The following BTBD7 variants were observed in gnomAD, a reference collection of about 807,000 sequenced individuals.
BTBD7 encodes the protein BTB domain containing 7.
BTBD7 carries 38 observed loss-of-function variants against 99.9 expected under a neutral mutation model. The ratio of observed to expected loss-of-function variants is 0.38; its 90% CI spans 0.29 to 0.50. The LOEUF (loss-of-function observed/expected upper bound fraction) is 0.50, where lower values mean the gene tolerates loss of function less well. Among genes scored for constraint, BTBD7 ranks in the 20% least tolerant of loss-of-function variants. The pLI, the probability that BTBD7 is intolerant of heterozygous loss-of-function variation, is 0.93. For synonymous variants in BTBD7, 520 were observed against 511.4 expected, an observed-to-expected ratio of 1.02 and a Z score of -0.23; for missense variants, 1,170 against 1,394.6, an observed-to-expected ratio of 0.84 and a Z score of 2.57.
intron 1 of BTBD7, among the ~76,000 whole-genome samples, chr14:93,320,860 CAG>C (rs1481220302): frequency 2.6e-5 from 4 of 152,060 alleles, no homozygotes; most frequent in Non-Finnish European, 5.9e-5. Flanking sequence ...TATAAATGAT[CAG>C]AGTCCATCTA....
chr14:93,252,856 C>A (rs755075631), intron 7 of BTBD7, among the ~76,000 whole-genome samples: 5 of 151,340 alleles, frequency 3.3e-5, no homozygotes, highest in Non-Finnish European at 7.4e-5. Context: ...GGTTCTTACT[C>A]TGTCGCCCAG....
intron 10 of BTBD7, chr14:93,244,247 T>A (rs1053904394): frequency 3.3e-6 from 1 of 302,982 alleles, no homozygotes; most frequent in Non-Finnish European, 6.5e-6. Context: ...TCTAAGAGGA[T>A]GCTGGCTATT....
At chr14:93,284,802 G>T (rs2052758829) in intron 3 of BTBD7, among the ~76,000 whole-genome samples, 1 of 151,962 alleles carries the variant, frequency 6.6e-6, no homozygotes, top group African/African-American at 2.4e-5. Context: ...TAAAGGTTAG[G>T]GTAGAATTTG....
At chr14:93,255,938 A>AT (rs200730662) in intron 6 of BTBD7, 38 of 151,738 alleles carry the variant, frequency 2.5e-4, no homozygotes, top group Non-Finnish European at 3.4e-4. Flanking sequence ...GTGAGGGTGA[A>AT]TTTTTTTTTC....
intron 1 of BTBD7, among the ~76,000 whole-genome samples, chr14:93,308,591 T>C (rs1312250349): frequency 6.6e-6 from 1 of 152,140 alleles, no homozygotes; most frequent in East Asian, 1.9e-4. Context: ...AGCCAAAAGG[T>C]AGAAGCAACT....
At chr14:93,300,715 TGTG>T (rs2052987021) in intron 1 of BTBD7, among the ~76,000 whole-genome samples, 1 of 13,712 alleles carries the variant, frequency 7.3e-5, no homozygotes, top group Non-Finnish European at 1.2e-4. Context: ...TGTGTGTGTG[TGTG>T]TGTGTGTGTG....
At chr14:93,331,884 C>T (rs78706197) in intron 1 of BTBD7, among the ~76,000 whole-genome samples, 2 of 146,882 alleles carry the variant, frequency 1.4e-5, no homozygotes, top group South Asian at 2.2e-4. Flanking sequence ...CCGTCTCCCC[C>T]CCCCCAAAAA....
At chr14:93,290,442 G>A (rs1267064299) in intron 3 of BTBD7, among the ~76,000 whole-genome samples, 1 of 148,360 alleles carries the variant, frequency 6.7e-6, no homozygotes, top group Non-Finnish European at 1.5e-5. Context: ...TCGATCTCCT[G>A]ACCTCGTGAT....
intron 3 of BTBD7, among the ~76,000 whole-genome samples, chr14:93,286,856 T>C (rs146651975): frequency 1.8e-4 from 28 of 152,332 alleles, no homozygotes; most frequent in Admixed American, 7.2e-4. Context: ...TTCAAAGATA[T>C]GATAAAGTCT....
intron 1 of BTBD7, among the ~76,000 whole-genome samples, chr14:93,313,725 T>C (rs1388671341): frequency 6.9e-6 from 1 of 144,284 alleles, no homozygotes; most frequent in Non-Finnish European, 1.5e-5. Context: ...CAATCACACA[T>C]ATATACACAC....
At chr14:93,299,899 G>C (rs932614713) in intron 1 of BTBD7, among the ~76,000 whole-genome samples, 1 of 152,190 alleles carries the variant, frequency 6.6e-6, no homozygotes, top group Non-Finnish European at 1.5e-5. Context: ...TTAAAGTGCT[G>C]AGGTTCATTG....
At chr14:93,283,934 A>G (rs999525768) in intron 3 of BTBD7, among the ~76,000 whole-genome samples, 3 of 152,202 alleles carry the variant, frequency 2.0e-5, no homozygotes, top group African/African-American at 7.2e-5. Flanking sequence ...CAACTCCTTA[A>G]AATTTTCTTT....
chr14:93,327,133 C>T (rs1444349012), intron 1 of BTBD7, among the ~76,000 whole-genome samples: 1 of 152,074 alleles, frequency 6.6e-6, no homozygotes, highest in Non-Finnish European at 1.5e-5. Flanking sequence ...TGCGCTCAGC[C>T]CGCTGTCAAA....
intron 3 of BTBD7, among the ~76,000 whole-genome samples, chr14:93,270,072 A>G (rs1040015372): frequency 6.6e-6 from 1 of 152,214 alleles, no homozygotes; most frequent in Non-Finnish European, 1.5e-5. Context: ...TAAACCAGTT[A>G]GCTTTTTAGA....
chr14:93,308,333 T>C (rs1402540424), intron 1 of BTBD7, among the ~76,000 whole-genome samples: 3 of 150,864 alleles, frequency 2.0e-5, no homozygotes, highest in African/African-American at 4.9e-5. Flanking sequence ...GATTAGTACT[T>C]GGAGACAAAA....
chr14:93,325,564 A>C (rs2053321485), intron 1 of BTBD7, among the ~76,000 whole-genome samples: 1 of 152,212 alleles, frequency 6.6e-6, no homozygotes, highest in Admixed American at 6.5e-5. Flanking sequence ...GAGTGGCAAT[A>C]GAGAGGGGAA....
intron 1 of BTBD7, among the ~76,000 whole-genome samples, chr14:93,325,529 T>TA (rs1485446214): frequency 1.3e-5 from 2 of 152,154 alleles, no homozygotes; most frequent in South Asian, 2.1e-4. Context: ...GCAGGCTGTT[T>TA]AATACGTAGT....
rs999607685 is a variant in BTBD7, at chr14:93,238,715, A to G, written c.*3558T>C. 1.3e-4 allele frequency: 20 copies of G among 152,348 alleles called. No homozygotes were observed. In the East Asian group the frequency reaches 1.9e-3, roughly 15 times the overall value. The allele number at this position is 152,348 out of a possible 1,614,324, so 9.4% of individuals were successfully genotyped here. A position where few individuals can be genotyped will look rare whatever the true frequency, so the allele number is the denominator to read the frequency against. On this transcript the variant is annotated 3_prime_UTR_variant, in exon 11 of 11. Transcript: ENST00000334746. The stretch of plus-strand genomic sequence containing the variant: ...GCCGGGTAGTTACTGAGAAATGTCA[A>G]TCCTTTCAACTCTAGAGAATGATGC...
chr14:93,253,300 C>T (rs1005117809), intron 7 of BTBD7, among the ~76,000 whole-genome samples: 2 of 152,098 alleles, frequency 1.3e-5, no homozygotes, highest in Non-Finnish European at 2.9e-5. Context: ...AAAAAGTGGG[C>T]AATCTTCTTT....
Sources: allele counts gnomAD v4.1 joint callset (sites outside exome capture counted in the v4.1 genomes callset), GRCh38; gene constraint gnomAD v4.1.1; transcripts MANE v1.5; gene names NCBI Gene and HGNC (gene_info 2026-07-23, HGNC 2026-07-21).